Variants in ACIN1 observed in about 807,000 individuals in gnomAD.
ACIN1 encodes the protein apoptotic chromatin condensation inducer in the nucleus.
A neutral mutation model predicts 146.6 loss-of-function variants in ACIN1; 16 were observed. The observed-to-expected ratio is 0.11, with a 90% CI of 0.07 to 0.17. The LOEUF is 0.17. Ranked by LOEUF, ACIN1 falls within the 10% of genes least tolerant of loss-of-function variation. ACIN1 has a pLI of 1.00. For synonymous variants in ACIN1, 569 were observed against 582.7 expected (o/e 0.98, Z 0.34); for missense variants, 1,357 against 1,609.3 (o/e 0.84, Z 2.68).
At position 23,080,374 on chromosome 14, in the gene ACIN1, C is replaced by T. The variant is rs768142240; in HGVS notation, c.961G>A (p.Gly321Ser). Residue 321 changes from glycine to serine, a missense_variant, in exon 6 of 19, where the codon GGC (glycine) becomes AGC (serine). By Grantham distance (56) the Gly-to-Ser change is moderately conservative. This residue lies in a region of ACIN1 where 771 missense variants were observed against 746.6 expected (regional missense o/e 1.03). Coordinates refer to ENST00000605057, the MANE Select transcript of ACIN1 (RefSeq NM_001386863.1). ...GGAGACTTCGATTTTTCCTTTAAGC[C>T]TTGTGAAGATTTTATTTCTCTTTCT... ...EEEREIKSSQ[G>S]LKEKSKSPSP... is the part of the protein sequence containing the mutation. 3.2e-5 allele frequency: 52 copies of T among 1,614,036 alleles called. No homozygotes were observed. Among genetic ancestry groups the T allele is most frequent in the Non-Finnish European group, 4.1e-5 (48 of 1,180,030 alleles).
intron 15 of ACIN1, 62 bp downstream of exon 15, chr14:23,062,354 C>T (rs1057452545): frequency 6.2e-6 from 10 of 1,603,746 alleles, no homozygotes; most frequent in Non-Finnish European, 7.7e-6. Flanking sequence ...CTTAAACCTG[C>T]CCACACTGGT....
chr14:23,091,459 T>C (rs541844982), intron 2 of ACIN1, among the ~76,000 whole-genome samples: 2 of 151,708 alleles, frequency 1.3e-5, no homozygotes, highest in Non-Finnish European at 2.9e-5. Context: ...GGTGGGCATA[T>C]TGTGGTGTGA....
chr14:23,077,442 G>A (rs1365227030), intron 8 of ACIN1, among the ~76,000 whole-genome samples: 1 of 152,054 alleles, frequency 6.6e-6, no homozygotes, highest in Non-Finnish European at 1.5e-5. Flanking sequence ...AGGAATTCTG[G>A]CTCATTGGCT....
intron 4 of ACIN1, among the ~76,000 whole-genome samples, chr14:23,082,940 A>T (rs1331063412): frequency 7.2e-6 from 1 of 138,282 alleles, no homozygotes; most frequent in Non-Finnish European, 1.5e-5. Context: ...GGGTTTCATC[A>T]TGTTGCCTAG....
At chr14:23,062,075 A>C in intron 16 of ACIN1, 93 bp downstream of exon 16, 2 of 1,022,342 alleles carry the variant, frequency 2.0e-6, no homozygotes, top group Non-Finnish European at 3.0e-6. Context: ...ACAGAAGCTC[A>C]GAGACTGCAG....
Position 23,068,673 on chromosome 14 carries a change from T to A in ACIN1, c.2265+803A>T. On this transcript the variant is annotated intron_variant, in intron 9 of 18. Transcript: ENST00000605057. The surrounding 1 kb of genome is among the most constrained non-coding windows in gnomAD (Gnocchi z 4.3). ...GGGCGGATTACCGTACATGAGGTACTTGGACAAAGTTTTACGGGGAAGAAG... is the reference window on the plus strand; with the variant it reads ...GGGCGGATTACCGTACATGAGGTACATGGACAAAGTTTTACGGGGAAGAAG... The A allele has an allele frequency of 1.0e-6, 1 of 985,826 alleles. No individual in the cohort carries two copies. Among genetic ancestry groups the A allele is most frequent in the Non-Finnish European group, 1.2e-6 (1 of 829,948 alleles). 61.1% of individuals were successfully genotyped at this position (985,826 alleles called of 1,614,324 possible).
chr14:23,071,374 GC>G, intron 8 of ACIN1: 1 of 1,540,446 alleles, frequency 6.5e-7, no homozygotes. Flanking sequence ...TGGTGGTGGT[GC>G]GGGGAGGCTA....
Position 23,079,739 on chromosome 14 carries a change from TCTAGAA to T in ACIN1, c.1590_1595del (p.Ser530_Ser531del). 1 of 1,614,088 alleles carries T rather than the reference TCTAGAA, an allele frequency of 6.2e-7. No individual in the cohort carries two copies. On this transcript the variant is annotated inframe_deletion, in exon 6 of 19. Transcript: ENST00000605057. ...AACTGTCAGGAGAGCGAGATCTTGATCTAGAACTGGAGGAGGAAGATGAGGAGGACC... is the reference window on the plus strand; with the variant it reads ...AACTGTCAGGAGAGCGAGATCTTGATCTGGAGGAGGAAGATGAGGAGGACC...
intron 8 of ACIN1, 138 bp from the exon 9 acceptor site, chr14:23,069,755 T>C: frequency 1.3e-6 from 1 of 763,888 alleles, no homozygotes; most frequent in Admixed American, 3.0e-5. Context: ...GCTTTTCTGA[T>C]CAAGGTTAGA....
At chr14:23,069,652 G>GGGGGGGGGGGGGGGGGCC in intron 8 of ACIN1, 35 bp from the exon 9 acceptor site, 1 of 577,972 alleles carries the variant, frequency 1.7e-6, no homozygotes, top group Non-Finnish European at 3.3e-6. Flanking sequence ...GGGGGGGCGG[G>GGGGGGGGGGGGGGGGGCC]CAGAAAAGAA....
intron 4 of ACIN1, among the ~76,000 whole-genome samples, chr14:23,083,450 C>T (rs1021911141): frequency 8.5e-5 from 13 of 152,048 alleles, no homozygotes; most frequent in African/African-American, 2.2e-4. Flanking sequence ...ATCAACTAGG[C>T]GGCCGGGCAC....
At chr14:23,061,997 G>T (rs1359163200) in intron 16 of ACIN1, among the ~76,000 whole-genome samples, 171 bp downstream of exon 16, 1 of 132,496 alleles carries the variant, frequency 7.5e-6, no homozygotes, top group Non-Finnish European at 1.6e-5. Context: ...AAAAAAAGGA[G>T]CCCAGGTACC....
rs2140150446 is a variant in ACIN1, at chr14:23,079,676, C to T, written c.1659G>A (p.Gln553=). 1 of 1,614,140 alleles carries T rather than the reference C, an allele frequency of 6.2e-7. No individual in the cohort carries two copies. Among genetic ancestry groups the T allele is most frequent in the South Asian group, 1.1e-5 (1 of 91,074 alleles). Residue 553 remains glutamine (Q), a synonymous_variant, in exon 6 of 19, where the codon CAG becomes CAA. Transcript: ENST00000605057. ...SRSHSPLRSK[Q]RDVAQARTHA... ...GAGTACGTGCCTGGGCTACATCTCT[C>T]TGCTTGGATCTGAGCGGTGAATGAG...
At position 23,068,566 on chromosome 14, in the gene ACIN1, T is replaced by C. The variant is rs1381226045; in HGVS notation, c.2265+910A>G. 18 of 985,764 alleles carry C rather than the reference T, an allele frequency of 1.8e-5. No individual in the cohort carries two copies. Among genetic ancestry groups the C allele is most frequent in the Admixed American group, 1.2e-4 (2 of 16,264 alleles). 61.1% of individuals were successfully genotyped at this position (985,764 alleles called of 1,614,324 possible). A position where few individuals can be genotyped will look rare whatever the true frequency, so the allele number is the denominator to read the frequency against. ...ACCTGGATAGCAGACTTGGCTCTGATTGGGCAGCTCAGTAGCAGCGGGTGG... is the reference window on the plus strand; with the variant it reads ...ACCTGGATAGCAGACTTGGCTCTGACTGGGCAGCTCAGTAGCAGCGGGTGG... On this transcript the variant is annotated intron_variant, in intron 9 of 18. Transcript: ENST00000605057. This position sits in a 1 kb window ranked among gnomAD's most constrained non-coding sequence, Gnocchi z 4.3.
chr14:23,073,672 A>C (rs1280579480), intron 8 of ACIN1, among the ~76,000 whole-genome samples: 6 of 152,098 alleles, frequency 3.9e-5, no homozygotes, highest in African/African-American at 1.4e-4. Flanking sequence ...AAAAGAAAAA[A>C]ATTTTTTTAA....
Position 23,078,280 on chromosome 14 carries a change from G to C in ACIN1, c.2008-14C>G. 1 of 1,611,628 alleles carries C rather than the reference G, an allele frequency of 6.2e-7. No individual in the cohort carries two copies. Among genetic ancestry groups the C allele is most frequent in the East Asian group, 2.2e-5 (1 of 44,850 alleles). ...CTTTGGGCTCCCCTGTCAGGAGATA[G>C]CAAAAACGAACAGAGCAAAACATTT... On this transcript the variant is annotated splice_polypyrimidine_tract_variant and intron_variant, in intron 7 of 18. Transcript: ENST00000605057.
chr14:23,095,453 A>C (rs1030311385), upstream of ACIN1: 1 of 1,001,380 alleles, frequency 1.0e-6, no homozygotes, highest in African/African-American at 1.6e-5. Flanking sequence ...GGACCTAGAG[A>C]TGAGGCGCTG....
intron 10 of ACIN1, among the ~76,000 whole-genome samples, chr14:23,065,405 G>A (rs531996690): frequency 6.6e-6 from 1 of 152,294 alleles, no homozygotes; most frequent in East Asian, 1.9e-4. Context: ...GTCCAACATG[G>A]GGAAACCCCA....
chr14:23,069,390 G>A lies in ACIN1; in HGVS notation c.2265+86C>T, dbSNP rs1444087296. ...CATCCCTCCTTTAAGTTAACCCACC[G>A]TGTAAGAGGGATCACTAGAGTGCTC... On this transcript the variant is annotated intron_variant, in intron 9 of 18. Transcript: ENST00000605057. 29 of 1,535,828 alleles carry A rather than the reference G, an allele frequency of 1.9e-5. No homozygotes were observed. The East Asian group carries it at 6.2e-4, about 33-fold the overall frequency.
Sources: allele counts gnomAD v4.1 joint callset (sites outside exome capture counted in the v4.1 genomes callset), GRCh38; gene constraint gnomAD v4.1.1; regional missense constraint gnomAD v4.1.1; non-coding constraint Gnocchi (gnomAD v3.1); transcripts MANE v1.5; gene names NCBI Gene and HGNC (gene_info 2026-07-23, HGNC 2026-07-21).